Variants in SLC16A12 observed in about 807,000 individuals in gnomAD.
SLC16A12 encodes monocarboxylate transporter 12.
In SLC16A12, 17 loss-of-function variants were observed where a neutral mutation model predicts 42.4. That is an observed-to-expected ratio of 0.40 (90% confidence interval 0.27 to 0.60). The LOEUF is 0.60. Among genes scored for constraint, SLC16A12 ranks in the 20% least tolerant of loss-of-function variants. The probability of loss-of-function intolerance (pLI) is 0.42; values close to 1 mark genes in which losing one functional copy is unlikely to be tolerated. For synonymous variants in SLC16A12, 224 were observed against 229.4 expected, an observed-to-expected ratio of 0.98 and a Z score of 0.21; for missense variants, 544 against 623.0, an observed-to-expected ratio of 0.87 and a Z score of 1.35.
intron 2 of SLC16A12, among the ~76,000 whole-genome samples, chr10:89,547,966 CA>C (rs60543445): frequency 0.14 from 11,515 of 81,754 alleles, 315 homozygotes; most frequent in African/African-American, 0.26. Context: ...CCAGCCTGGG[CA>C]AAAAAAAAAA....
chr10:89,430,707 T>C lies in SLC16A12; in HGVS notation c.*2357A>G, dbSNP rs1187604699. On this transcript the variant is annotated 3_prime_UTR_variant, in exon 8 of 8. Transcript: ENST00000371790. The stretch of plus-strand genomic sequence containing the variant: ...CAAAAGGGAAAGTAAAATGCAAATC[T>C]ATGCATGTATAAAGTCAAATCTCCC... 1 of 464,898 alleles carries C rather than the reference T, an allele frequency of 2.2e-6. No individual in the cohort carries two copies. Among genetic ancestry groups the C allele is most frequent in the Non-Finnish European group, 4.4e-6 (1 of 225,624 alleles). The allele number at this position is 464,898 out of a possible 1,614,324, so 28.8% of individuals were successfully genotyped here.
At chr10:89,548,104 CTGCAGGTACTAA>C (rs769758191) in intron 2 of SLC16A12, among the ~76,000 whole-genome samples, 22 of 151,956 alleles carry the variant, frequency 1.4e-4, no homozygotes, top group African/African-American at 5.3e-4. Flanking sequence ...TTAAATCAAA[CTGCAGGTACTAA>C]TGCAGGTACT....
intron 2 of SLC16A12, among the ~76,000 whole-genome samples, chr10:89,481,643 T>TTG (rs66954717): frequency 0.012 from 1,740 of 144,068 alleles, 11 homozygotes; most frequent in Middle Eastern, 0.025. Flanking sequence ...TTTTTTTTTC[T>TTG]TGTGTGTGTG....
chr10:89,468,560 G>A (rs1316062055), intron 2 of SLC16A12, among the ~76,000 whole-genome samples: 2 of 152,190 alleles, frequency 1.3e-5, no homozygotes, highest in Admixed American at 6.5e-5. Context: ...ATTCATGTGA[G>A]TGACCACGAC....
At chr10:89,539,382 G>A (rs146430546), upstream of SLC16A12, among the ~76,000 whole-genome samples, 220 of 152,162 alleles carry the variant, frequency 1.4e-3, no homozygotes, top group Middle Eastern at 3.4e-3. Flanking sequence ...CTGGCCTGGA[G>A]GCACAGAATA....
intron 2 of SLC16A12, among the ~76,000 whole-genome samples, chr10:89,520,684 G>GC (rs1843336193): frequency 7.3e-6 from 1 of 137,290 alleles, no homozygotes; most frequent in East Asian, 2.1e-4. Flanking sequence ...ACTGTCCAAG[G>GC]CCCCATGTCA....
At chr10:89,540,287 C>T (rs2133883543), upstream of SLC16A12, among the ~76,000 whole-genome samples, 1 of 152,060 alleles carries the variant, frequency 6.6e-6, no homozygotes, top group East Asian at 1.9e-4. Context: ...TTTGTAGGGA[C>T]AGAGTTTTGC....
At chr10:89,447,490 C>A (rs181284930) in intron 3 of SLC16A12, among the ~76,000 whole-genome samples, 1 of 152,342 alleles carries the variant, frequency 6.6e-6, no homozygotes, top group East Asian at 1.9e-4. Context: ...AACTGAACAA[C>A]CTGCTCCTGT....
At chr10:89,499,765 C>A (rs1460562114) in intron 2 of SLC16A12, among the ~76,000 whole-genome samples, 1 of 151,820 alleles carries the variant, frequency 6.6e-6, no homozygotes, top group Non-Finnish European at 1.5e-5. Context: ...ACAAACCAAA[C>A]CCAAACCCAG....
chr10:89,525,424 A>C (rs780032001), intron 2 of SLC16A12, among the ~76,000 whole-genome samples: 16 of 152,166 alleles, frequency 1.1e-4, no homozygotes, highest in Non-Finnish European at 1.9e-4. Context: ...TAATAAAATC[A>C]GAATATATGG....
intron 3 of SLC16A12, among the ~76,000 whole-genome samples, chr10:89,448,219 A>C (rs1010686984): frequency 2.6e-5 from 4 of 152,228 alleles, no homozygotes; most frequent in Non-Finnish European, 4.4e-5. Context: ...AAACTATTCC[A>C]ATCAGGAGAA....
chr10:89,510,985 A>C (rs1001410534), intron 2 of SLC16A12, among the ~76,000 whole-genome samples: 2 of 152,242 alleles, frequency 1.3e-5, no homozygotes, highest in Non-Finnish European at 2.9e-5. Flanking sequence ...AAAAATACTC[A>C]TCATCACTGG....
intron 7 of SLC16A12, among the ~76,000 whole-genome samples, chr10:89,434,690 C>A (rs1841750193): frequency 6.6e-6 from 1 of 152,218 alleles, no homozygotes; most frequent in African/African-American, 2.4e-5. Context: ...TGCCTTCTTT[C>A]TAGGCAAAGT....
chr10:89,487,124 G>GTCGGATTCCATACAAAGGA (rs1842768329), intron 2 of SLC16A12, among the ~76,000 whole-genome samples: 1 of 152,200 alleles, frequency 6.6e-6, no homozygotes, highest in Non-Finnish European at 1.5e-5. Flanking sequence ...CATACAAAGG[G>GTCGGATTCCATACAAAGGA]TCAGATTCCT....
chr10:89,443,622 A>G (rs1333359549), intron 4 of SLC16A12, 134 bp downstream of exon 4: 2 of 718,302 alleles, frequency 2.8e-6, no homozygotes, highest in Non-Finnish European at 5.0e-6. Flanking sequence ...TTTTCTTTAT[A>G]TTATATAGTC....
chr10:89,478,589 T>C (rs771455480), intron 2 of SLC16A12, among the ~76,000 whole-genome samples: 1 of 152,226 alleles, frequency 6.6e-6, no homozygotes, highest in Non-Finnish European at 1.5e-5. Flanking sequence ...ATTTCAAAGA[T>C]GAAACTCATC....
Position 89,548,190 on chromosome 10 carries a change from G to T in SLC16A12, c.-47+7692C>A, listed in dbSNP as rs554385096. Among the ~76,000 whole-genome samples, 4 of 152,262 alleles carry T rather than the reference G, an allele frequency of 2.6e-5. No individual in the cohort carries two copies. In the South Asian group the frequency reaches 8.3e-4, roughly 32 times the overall value. ...TGTATTCTCCATTGATGAGAATGGA[G>T]AAAATCAATAGGACAAAGTGACTGA... On this transcript the variant is annotated intron_variant, in intron 2 of 2. Transcript: ENST00000475682.
intron 2 of SLC16A12, among the ~76,000 whole-genome samples, chr10:89,511,510 C>T (rs940412972): frequency 6.6e-6 from 1 of 152,086 alleles, no homozygotes; most frequent in African/African-American, 2.4e-5. Context: ...TGTTCTCACT[C>T]ATAAGTGGGA....
rs1215577319 is a variant in SLC16A12, at chr10:89,438,831, G to C, written c.801C>G (p.Leu267=). 6.2e-7 allele frequency: 1 copy of C among 1,614,198 alleles called. No individual in the cohort carries two copies. Among genetic ancestry groups the C allele is most frequent in the South Asian group, 1.1e-5 (1 of 91,082 alleles). Residue 267 remains leucine (L), a synonymous_variant, in exon 6 of 8, where the codon CTC becomes CTG. Coordinates refer to ENST00000371790, the MANE Select transcript of SLC16A12 (RefSeq NM_213606.4). ...TGTACTCTTGCTGCAAACAGCAACA[G>C]AGGCAAGTCTGTGCCCATTCTTTGG... ...SLTKEWAQTC[L]CCCLQQEYSF...
Sources: gnomAD v4.1 joint callset for allele counts (sites outside exome capture counted in the v4.1 genomes callset) on GRCh38, gnomAD v4.1.1 for gene constraint, MANE v1.5 for transcripts, NCBI Gene and HGNC (gene_info 2026-07-23, HGNC 2026-07-21) for gene names.